PACRG: variants seen among roughly 807,000 people sequenced by gnomAD.
The protein encoded by PACRG is parkin coregulated gene protein.
PACRG carries 29 observed loss-of-function variants against 29.7 expected under a neutral mutation model. That is an observed-to-expected ratio of 0.98 (90% CI 0.73 to 1.33). The LOEUF is 1.33. Ranked by LOEUF, PACRG falls within the 40% of genes most tolerant of loss-of-function variation. The pLI, the probability that PACRG is intolerant of heterozygous loss-of-function variation, is 0.00. For synonymous variants in PACRG, 116 were observed against 118.7 expected (o/e 0.98, Z 0.15); for missense variants, 279 against 316.2 (o/e 0.88, Z 0.89).
chr6:162,899,420 G>A (rs1003913145), intron 2 of PACRG, among the ~76,000 whole-genome samples: 2 of 152,128 alleles, frequency 1.3e-5, no homozygotes, highest in African/African-American at 4.8e-5. Context: ...TGTGGCTACC[G>A]CTTCGGCACC....
chr6:162,830,156 C>T (rs1416508287), intron 2 of PACRG, among the ~76,000 whole-genome samples: 3 of 152,088 alleles, frequency 2.0e-5, no homozygotes, highest in Admixed American at 6.6e-5. Context: ...ATGTATTTAC[C>T]AACCTCAAGT....
chr6:163,146,012 G>A (rs533215833), intron 4 of PACRG, among the ~76,000 whole-genome samples: 170 of 152,292 alleles, frequency 1.1e-3, no homozygotes, highest in African/African-American at 4.0e-3. Flanking sequence ...TTTCAGTTTT[G>A]TATAAGTAGC....
In PACRG at chr6:163,250,865, G is replaced by C. The variant is rs140961667; in HGVS notation, c.614-63962G>C. Among the ~76,000 whole-genome samples the C allele has an allele frequency of 4.3e-3, 629 of 145,890 alleles. 4 individuals are homozygous for C. Among genetic ancestry groups the C allele is most frequent in the African/African-American group, 0.016 (608 of 37,062 alleles). On this transcript the variant is annotated intron_variant, in intron 4 of 4. Coordinates refer to ENST00000366888, the MANE Select transcript of PACRG (RefSeq NM_001080379.2). ...AACCCAAATGCCCATCAATCAATGA[G>C]TGGATAAAGAAATTGTTGTATATAT...
At chr6:162,941,641 C>T (rs890583201) in intron 2 of PACRG, among the ~76,000 whole-genome samples, 1 of 152,190 alleles carries the variant, frequency 6.6e-6, no homozygotes, top group African/African-American at 2.4e-5. Flanking sequence ...GATTATTCCA[C>T]ACTCTCCCCA....
At chr6:163,014,727 C>T (rs577588157) in intron 2 of PACRG, among the ~76,000 whole-genome samples, 21 of 152,000 alleles carry the variant, frequency 1.4e-4, no homozygotes, top group Non-Finnish European at 2.5e-4. Context: ...TGTTTAAGTT[C>T]GTTATAGGTT....
chr6:162,969,194 C>T (rs1801318066), intron 2 of PACRG, among the ~76,000 whole-genome samples: 1 of 151,938 alleles, frequency 6.6e-6, no homozygotes, highest in Non-Finnish European at 1.5e-5. Flanking sequence ...TTAGGAATGT[C>T]AGAATAATGG....
At chr6:162,754,371 A>G (rs1781737370) in intron 1 of PACRG, among the ~76,000 whole-genome samples, 1 of 152,058 alleles carries the variant, frequency 6.6e-6, no homozygotes, top group African/African-American at 2.4e-5. Flanking sequence ...TCCATATACC[A>G]TCAGATGTAT....
intron 2 of PACRG, among the ~76,000 whole-genome samples, chr6:162,828,027 C>T (rs1788432062): frequency 6.6e-6 from 1 of 152,044 alleles, no homozygotes; most frequent in African/African-American, 2.4e-5. Context: ...CTGCCTTAGC[C>T]CCTGATACAA....
intron 4 of PACRG, among the ~76,000 whole-genome samples, chr6:163,140,977 G>A (rs538257684): frequency 3.4e-4 from 52 of 152,280 alleles, no homozygotes; most frequent in African/African-American, 1.2e-3. Context: ...AATTGGAAGT[G>A]TATTTCCAAT....
At chr6:163,029,354 C>T (rs1419457882) in intron 2 of PACRG, among the ~76,000 whole-genome samples, 1 of 152,182 alleles carries the variant, frequency 6.6e-6, no homozygotes, top group Admixed American at 6.5e-5. Flanking sequence ...TAAGTTGTTA[C>T]AGCAGCCATA....
At chr6:163,076,527 G>C (rs1428859788) in intron 3 of PACRG, among the ~76,000 whole-genome samples, 4 of 152,182 alleles carry the variant, frequency 2.6e-5, no homozygotes, top group African/African-American at 7.2e-5. Context: ...TTTAAGGGCA[G>C]ACTCCTCTCC....
chr6:163,071,975 G>A (rs918379819), intron 3 of PACRG, among the ~76,000 whole-genome samples: 2 of 151,608 alleles, frequency 1.3e-5, no homozygotes, highest in Non-Finnish European at 2.9e-5. Flanking sequence ...GGACTCAATG[G>A]CTTCACTCTT....
At chr6:163,118,739 A>G (rs1816131496) in intron 4 of PACRG, among the ~76,000 whole-genome samples, 1 of 152,204 alleles carries the variant, frequency 6.6e-6, no homozygotes, top group African/African-American at 2.4e-5. Context: ...AAGGTAACAG[A>G]AGTTCCATGT....
At chr6:162,824,348 G>A (rs541004982) in intron 2 of PACRG, among the ~76,000 whole-genome samples, 2 of 152,246 alleles carry the variant, frequency 1.3e-5, no homozygotes, top group East Asian at 3.9e-4. Context: ...AAGTGTGGGA[G>A]AGATGAAAAA....
intron 2 of PACRG, among the ~76,000 whole-genome samples, chr6:162,954,960 G>A (rs1167564355): frequency 6.6e-6 from 1 of 152,152 alleles, no homozygotes; most frequent in Non-Finnish European, 1.5e-5. Flanking sequence ...TTAATCCATC[G>A]TGACAAACCA....
chr6:163,085,260 G>T (rs1016729830), intron 3 of PACRG, among the ~76,000 whole-genome samples: 6 of 152,108 alleles, frequency 3.9e-5, no homozygotes, highest in Admixed American at 1.3e-4. Flanking sequence ...ATTCTGTTCT[G>T]TGTCTAATCC....
At chr6:162,891,793 C>T (rs896576139) in intron 2 of PACRG, among the ~76,000 whole-genome samples, 1 of 152,130 alleles carries the variant, frequency 6.6e-6, no homozygotes, top group South Asian at 2.1e-4. Context: ...CAGTGTGGAC[C>T]TGTTTCGATG....
At chr6:163,235,099 A>G (rs1345251980) in intron 4 of PACRG, among the ~76,000 whole-genome samples, 1 of 152,176 alleles carries the variant, frequency 6.6e-6, no homozygotes, top group Non-Finnish European at 1.5e-5. Context: ...GGAGGTGGGA[A>G]GACATAGCGG....
intron 4 of PACRG, among the ~76,000 whole-genome samples, chr6:163,197,556 GC>G (rs1428128967): frequency 6.8e-6 from 1 of 146,650 alleles, no homozygotes. Context: ...CCATTCTCCT[GC>G]CTCAGCCTCC....
Sources: allele counts gnomAD v4.1 joint callset (sites outside exome capture counted in the v4.1 genomes callset), GRCh38; gene constraint gnomAD v4.1.1; transcripts MANE v1.5; gene names NCBI Gene and HGNC (gene_info 2026-07-23, HGNC 2026-07-21).